ZNF23: variants seen among roughly 807,000 people sequenced by gnomAD.
ZNF23 encodes the protein zinc finger protein 23, also known as kruppel-like zinc finger factor X31.
A neutral mutation model predicts 56.2 loss-of-function variants in ZNF23; 48 were observed. The observed-to-expected ratio is 0.85, with a 90% confidence interval of 0.68 to 1.09. The LOEUF is 1.09. ZNF23 is among the 50% of genes least tolerant of loss of function. ZNF23 has a pLI of 0.00. For synonymous variants in ZNF23, 266 were observed against 283.3 expected (o/e 0.94, Z 0.61); for missense variants, 805 against 811.4 (o/e 0.99, Z 0.10).
Position 71,453,617 on chromosome 16 carries a change from A to T in ZNF23, c.161-267T>A, listed in dbSNP as rs2043129158. On this transcript the variant is annotated intron_variant, in intron 3 of 4. Coordinates refer to ENST00000647773, the MANE Select transcript of ZNF23 (RefSeq NM_001381984.1). ...AGAGCCTGGTTAGGGCCCAGACTGT[A>T]GGCCTAGGAGACCTCATGCAGGGCA... 8.7e-5 allele frequency: 42 copies of T among 482,708 alleles called. No homozygotes were observed. The South Asian group carries it at 1.1e-3, about 13-fold the overall frequency. 29.9% of individuals were successfully genotyped at this position (482,708 alleles called of 1,614,324 possible).
rs528943718 is a variant in ZNF23, at chr16:71,447,960, T to C, written c.*133A>G. 27 of 622,656 alleles carry C rather than the reference T, an allele frequency of 4.3e-5. No individual in the cohort carries two copies. The highest frequency in any genetic ancestry group is 7.5e-5 in the African/African-American group (4 of 53,598). The allele number at this position is 622,656 out of a possible 1,614,324, so 38.6% of individuals were successfully genotyped here. A position where few individuals can be genotyped will look rare whatever the true frequency, so the allele number is the denominator to read the frequency against. On this transcript the variant is annotated 3_prime_UTR_variant, in exon 5 of 5. Coordinates refer to ENST00000647773, the MANE Select transcript of ZNF23 (RefSeq NM_001381984.1). ...TCATCCTTTCCTGATTTAAACTGAA[T>C]AGAATAAAAACTGTTTCCATATGAA...
chr16:71,461,435 C>G (rs2043451761), intron 1 of ZNF23, among the ~76,000 whole-genome samples: 1 of 152,104 alleles, frequency 6.6e-6, no homozygotes, highest in Non-Finnish European at 1.5e-5. Context: ...GGGTAAGCAA[C>G]TTTGGAAAAC....
chr16:71,455,049 CCT>C, intron 2 of ZNF23, among the ~76,000 whole-genome samples: 1 of 152,316 alleles, frequency 6.6e-6, no homozygotes, highest in Middle Eastern at 3.4e-3. Context: ...CTGCTCAACT[CCT>C]CTCTGCTAGG....
At chr16:71,458,392 C>T (rs752489387) in intron 1 of ZNF23, among the ~76,000 whole-genome samples, 1 of 152,172 alleles carries the variant, frequency 6.6e-6, no homozygotes, top group East Asian at 1.9e-4. Flanking sequence ...TGATTCTTTC[C>T]ATTTCCTCCA....
Position 71,448,793 on chromosome 16 carries a change from T to C in ZNF23, c.1361A>G (p.Gln454Arg). 1 of 1,614,248 alleles carries C rather than the reference T, an allele frequency of 6.2e-7. No homozygotes were observed. The highest frequency in any genetic ancestry group is 8.5e-7 in the Non-Finnish European group (1 of 1,180,044). ...GGGTTTCTCGCCTGTGTGAATTCTC[T>C]GGTGTTGGATTAACTTCCCTTTGAC... ...FSVKGKLIQH[Q>R]RIHTGEKPYE... Residue 454 changes from glutamine (Q) to arginine (R), a missense_variant, in exon 5 of 5, where the codon CAG (glutamine) becomes CGG (arginine). Gln to Arg is a conservative substitution (Grantham distance 43). Transcript: ENST00000647773.
chr16:71,459,078 C>A (rs1567564569), intron 1 of ZNF23, among the ~76,000 whole-genome samples: 1 of 152,210 alleles, frequency 6.6e-6, no homozygotes, highest in African/African-American at 2.4e-5. Flanking sequence ...ATCCTCAGTC[C>A]AGTTCTACAG....
chr16:71,448,915 T>C lies in ZNF23; in HGVS notation c.1239A>G (p.Gly413=), dbSNP rs1282346734. The stretch of plus-strand genomic sequence containing the variant: ...GTTTTGTATTATTATTGAAGCCTTT[T>C]CCACACTCTTTACACTGATAGGGCT... ...GEKPYQCKEC[G]KGFNNNTKLI... The change falls in exon 5 of 5, where the codon GGA becomes GGG. Residue 413 remains glycine (G), a synonymous_variant. Transcript: ENST00000647773. The C allele has an allele frequency of 2.5e-6, 4 of 1,614,014 alleles. No homozygotes were observed. The South Asian group carries it at 3.3e-5, about 13-fold the overall frequency.
intron 2 of ZNF23, among the ~76,000 whole-genome samples, chr16:71,455,094 C>A (rs2043179965): frequency 6.6e-6 from 1 of 152,238 alleles, no homozygotes; most frequent in Non-Finnish European, 1.5e-5. Context: ...GACCTCCACC[C>A]ATCAGCAATT....
intron 3 of ZNF23, chr16:71,453,837 A>T: frequency 3.2e-6 from 2 of 625,582 alleles, no homozygotes; most frequent in South Asian, 2.0e-5. Flanking sequence ...AACAGTGCAT[A>T]CCAGTTCCAA....
rs1221066285 is a variant in ZNF23, at chr16:71,449,115, C to T, written c.1039G>A (p.Gly347Arg). The T allele has an allele frequency of 1.8e-5, 29 of 1,614,086 alleles. No homozygotes were observed. Among genetic ancestry groups the T allele is most frequent in the Non-Finnish European group, 2.2e-5 (26 of 1,180,038 alleles). Reference sequence around the variant, plus strand: ...TCATTACACTCGTAAGGTTTCTCTCCAGTGTGGACTCTCTGATGTGTAATA... The same window carrying T: ...TCATTACACTCGTAAGGTTTCTCTCTAGTGTGGACTCTCTGATGTGTAATA... ...AYITHQRVHT[G>R]EKPYECNDCG... The change falls in exon 5 of 5, where the codon GGA becomes AGA. Residue 347 changes from glycine to arginine, a missense_variant. Transcript: ENST00000647773.
intron 2 of ZNF23, 63 bp downstream of exon 2, chr16:71,456,701 C>T (rs2043245842): frequency 1.0e-6 from 1 of 986,122 alleles, no homozygotes; most frequent in African/African-American, 1.7e-5. Flanking sequence ...CACCAGCTCC[C>T]CTTCTCAATG....
At chr16:71,459,346 C>A (rs1597004753) in intron 1 of ZNF23, among the ~76,000 whole-genome samples, 1 of 152,346 alleles carries the variant, frequency 6.6e-6, no homozygotes, top group Non-Finnish European at 1.5e-5. Flanking sequence ...CCTCAAACGC[C>A]CTGCAAGGCA....
chr16:71,448,026 G>A lies in ZNF23; in HGVS notation c.*67C>T. The A allele has an allele frequency of 4.5e-6, 6 of 1,330,856 alleles. No individual in the cohort carries two copies. The highest frequency in any genetic ancestry group is 6.2e-6 in the Non-Finnish European group (6 of 974,944). 82.4% of individuals were successfully genotyped at this position (1,330,856 alleles called of 1,614,324 possible). A position where few individuals can be genotyped will look rare whatever the true frequency, so the allele number is the denominator to read the frequency against. ...ATGCCCTCTTGGAGGTTTTTCAATGGATGAATCTGATGATACTTGATCCAT... is the reference window on the plus strand; with the variant it reads ...ATGCCCTCTTGGAGGTTTTTCAATGAATGAATCTGATGATACTTGATCCAT... On this transcript the variant is annotated 3_prime_UTR_variant, in exon 5 of 5. Coordinates refer to ENST00000647773, the MANE Select transcript of ZNF23 (RefSeq NM_001381984.1).
intron 3 of ZNF23, 77 bp from the exon 4 acceptor site, chr16:71,453,427 G>A (rs981517477): frequency 8.6e-7 from 1 of 1,156,100 alleles, no homozygotes; most frequent in Non-Finnish European, 1.3e-6. Context: ...TTCTCAGACT[G>A]TCTCAGCAAT....
rs1365460636 is a variant in ZNF23 at position 71,449,297 on chromosome 16, T to C, written c.857A>G (p.Gln286Arg). 4 of 1,614,222 alleles carry C rather than the reference T, an allele frequency of 2.5e-6. No homozygotes were observed. The highest frequency in any genetic ancestry group is 3.4e-6 in the Non-Finnish European group (4 of 1,180,036). ...FSYSSHYITH[Q>R]TIHSGEKPYQ... Reference sequence around the variant, plus strand: ...GGGCTTCTCCCCACTGTGGATTGTCTGATGTGTGATATAATGGGAACTGTA... The same window carrying C: ...GGGCTTCTCCCCACTGTGGATTGTCCGATGTGTGATATAATGGGAACTGTA... Residue 286 changes from glutamine to arginine, a missense_variant, in exon 5 of 5, where the codon CAG becomes CGG. Gln to Arg is a conservative substitution (Grantham distance 43). Transcript: ENST00000647773.
intron 2 of ZNF23, among the ~76,000 whole-genome samples, chr16:71,454,596 C>A (rs1003180798): frequency 3.9e-5 from 6 of 152,110 alleles, no homozygotes; most frequent in Admixed American, 6.5e-5. Flanking sequence ...CAAGCCACCC[C>A]CAAAGATCAT....
At chr16:71,455,362 T>A (rs1373843341) in intron 2 of ZNF23, among the ~76,000 whole-genome samples, 3 of 152,062 alleles carry the variant, frequency 2.0e-5, no homozygotes, top group Non-Finnish European at 2.9e-5. Flanking sequence ...CCGAAAGATT[T>A]TTTTTTTTCT....
intron 1 of ZNF23, among the ~76,000 whole-genome samples, chr16:71,457,488 G>A (rs1238190226): frequency 4.6e-5 from 7 of 152,114 alleles, no homozygotes; most frequent in East Asian, 1.9e-4. Context: ...GTGTGAACCC[G>A]GGAGGCAGAG....
chr16:71,456,060 A>T (rs1408951708), intron 2 of ZNF23: 1 of 456,390 alleles, frequency 2.2e-6, no homozygotes, highest in Admixed American at 2.3e-5. Context: ...GTGACTGTGG[A>T]CTGTTCCCAA....
Sources: allele counts gnomAD v4.1 joint callset (sites outside exome capture counted in the v4.1 genomes callset), GRCh38; gene constraint gnomAD v4.1.1; transcripts MANE v1.5; gene names NCBI Gene and HGNC (gene_info 2026-07-23, HGNC 2026-07-21).